Variants in PPP2R5E observed in about 807,000 individuals in gnomAD.
PPP2R5E encodes protein phosphatase 2 regulatory subunit B'epsilon, also known as serine/threonine-protein phosphatase 2A 56 kDa regulatory subunit epsilon isoform.
Under a neutral mutation model 65.3 loss-of-function variants are expected in PPP2R5E, and 4 were observed. The ratio of observed to expected loss-of-function variants is 0.06; its 90% CI spans 0.03 to 0.14. The LOEUF (loss-of-function observed/expected upper bound fraction) is 0.14, where lower values mean the gene tolerates loss of function less well. PPP2R5E is among the 10% of genes least tolerant of loss of function. PPP2R5E has a pLI of 1.00. For missense variants in PPP2R5E, 274 were observed against 556.1 expected (o/e 0.49, Z 5.10); for synonymous variants, 183 against 187.4 (o/e 0.98, Z 0.19).
intron 5 of PPP2R5E, among the ~76,000 whole-genome samples, chr14:63,414,564 T>G (rs1361336975): frequency 6.6e-6 from 1 of 152,184 alleles, no homozygotes; most frequent in Non-Finnish European, 1.5e-5. Context: ...GAAGATCCAT[T>G]GTTATAACAT....
At chr14:63,418,897 A>T (rs1223061960) in intron 4 of PPP2R5E, among the ~76,000 whole-genome samples, 12 of 128,844 alleles carry the variant, frequency 9.3e-5, no homozygotes, top group Non-Finnish European at 1.5e-4. Flanking sequence ...CCCAGGCAGG[A>T]GTGCAGTGGC....
At chr14:63,508,084 A>T in intron 2 of PPP2R5E, 1 of 912,592 alleles carries the variant, frequency 1.1e-6, no homozygotes, top group Non-Finnish European at 1.3e-6. Context: ...ATAAACCCTC[A>T]CTCCACCCTC....
intron 2 of PPP2R5E, among the ~76,000 whole-genome samples, chr14:63,477,726 C>T (rs891801529): frequency 2.6e-5 from 4 of 151,898 alleles, no homozygotes; most frequent in Non-Finnish European, 2.9e-5. Context: ...CTTATCTATA[C>T]AATACAGGAT....
intron 13 of PPP2R5E, among the ~76,000 whole-genome samples, chr14:63,380,273 G>GT (rs1177540239): frequency 9.2e-5 from 14 of 152,038 alleles, no homozygotes; most frequent in Admixed American, 1.3e-4. Context: ...ACCCTTGGCC[G>GT]TTTTTTTAAG....
At chr14:63,491,426 T>A (rs577528008) in intron 2 of PPP2R5E, among the ~76,000 whole-genome samples, 2 of 152,066 alleles carry the variant, frequency 1.3e-5, no homozygotes, top group Non-Finnish European at 2.9e-5. Flanking sequence ...GCTGTAAATA[T>A]AAAATACACA....
intron 3 of PPP2R5E, among the ~76,000 whole-genome samples, chr14:63,428,581 C>A (rs1887462242): frequency 1.3e-5 from 2 of 152,020 alleles, no homozygotes; most frequent in African/African-American, 4.8e-5. Context: ...CTTTCAGGGC[C>A]CGGCTGCTCT....
At chr14:63,463,884 T>C (rs1005706855) in intron 2 of PPP2R5E, among the ~76,000 whole-genome samples, 4 of 152,234 alleles carry the variant, frequency 2.6e-5, no homozygotes, top group East Asian at 3.9e-4. Flanking sequence ...GCGTGAGCCA[T>C]CGCGCCCGGC....
At chr14:63,395,144 G>T in intron 7 of PPP2R5E, 82 bp downstream of exon 7, 1 of 1,129,524 alleles carries the variant, frequency 8.9e-7, no homozygotes, top group Admixed American at 1.7e-5. Flanking sequence ...AGAGAACTAG[G>T]TGAGCATCTC....
At position 63,449,348 on chromosome 14, in the gene PPP2R5E, T is replaced by C. The variant is rs571025639; in HGVS notation, c.354+4341A>G. Among the ~76,000 whole-genome samples the C allele has an allele frequency of 2.6e-5, 4 of 152,316 alleles. No individual in the cohort carries two copies. In the East Asian group the frequency reaches 7.7e-4, roughly 29 times the overall value. On this transcript the variant is annotated intron_variant, in intron 3 of 13. Coordinates refer to ENST00000337537, the MANE Select transcript of PPP2R5E (RefSeq NM_006246.5). ...AAGTAACAGTGGGTTCCACCAATGA[T>C]CGTAAAATCAAGTATCTAATAAAAT...
intron 2 of PPP2R5E, among the ~76,000 whole-genome samples, chr14:63,471,702 A>G (rs1384141390): frequency 6.6e-6 from 1 of 152,192 alleles, no homozygotes; most frequent in Admixed American, 6.5e-5. Context: ...ACACAGCTGG[A>G]AAGGGGGCCC....
chr14:63,538,227 A>G (rs1255788), intron 2 of PPP2R5E, among the ~76,000 whole-genome samples: 62,339 of 151,542 alleles, frequency 0.41, 16,328 homozygotes, highest in African/African-American at 0.76. Context: ...GAGCCTAGGA[A>G]ATAGAGGCCA....
At chr14:63,391,348 C>T (rs1461856966) in intron 10 of PPP2R5E, among the ~76,000 whole-genome samples, 1 of 152,210 alleles carries the variant, frequency 6.6e-6, no homozygotes, top group East Asian at 1.9e-4. Flanking sequence ...AGAGTTCTGA[C>T]AGCCCTGCCT....
Position 63,375,967 on chromosome 14 carries a change from G to A in PPP2R5E, c.*42C>T, listed in dbSNP as rs535686605. The A allele has an allele frequency of 1.2e-4, 169 of 1,355,110 alleles. 3 individuals carry two copies. The East Asian group carries it at 3.1e-3, about 25-fold the overall frequency. The allele number at this position is 1,355,110 out of a possible 1,614,324, so 83.9% of individuals were successfully genotyped here. A position where few individuals can be genotyped will look rare whatever the true frequency, so the allele number is the denominator to read the frequency against. On this transcript the variant is annotated 3_prime_UTR_variant, in exon 14 of 14. Coordinates refer to ENST00000337537, the MANE Select transcript of PPP2R5E (RefSeq NM_006246.5). ...TTGCTCCATCTTCTACTACATAAACGTGTGACTCCACAGGTTAGTAATGTT... is the reference window on the plus strand; with the variant it reads ...TTGCTCCATCTTCTACTACATAAACATGTGACTCCACAGGTTAGTAATGTT...
intron 2 of PPP2R5E, among the ~76,000 whole-genome samples, chr14:63,498,770 A>T (rs775349050): frequency 6.6e-6 from 1 of 152,224 alleles, no homozygotes; most frequent in East Asian, 1.9e-4. Flanking sequence ...ATCTGAAAAC[A>T]CCAGTACAAA....
intron 3 of PPP2R5E, among the ~76,000 whole-genome samples, chr14:63,440,083 A>G (rs902331739): frequency 6.6e-6 from 1 of 152,232 alleles, no homozygotes; most frequent in Non-Finnish European, 1.5e-5. Context: ...TTACCACATA[A>G]GGAGCACCAA....
intron 13 of PPP2R5E, among the ~76,000 whole-genome samples, chr14:63,379,800 A>G (rs1884209027): frequency 6.8e-6 from 1 of 147,750 alleles, no homozygotes; most frequent in Admixed American, 6.7e-5. Context: ...TTGAGTGGAA[A>G]TAAGTTGTTC....
chr14:63,517,662 A>G lies in PPP2R5E; in HGVS notation c.157+21867T>C, dbSNP rs192585793. ...AAATGCAGTGCAGATAATTCTCAAT[A>G]ATTTAAATTATAATAGCTCAGGAAA... On this transcript the variant is annotated intron_variant, in intron 2 of 13. Coordinates refer to ENST00000337537, the MANE Select transcript of PPP2R5E (RefSeq NM_006246.5). Among the ~76,000 whole-genome samples, 59 of 152,352 alleles carry G rather than the reference A, an allele frequency of 3.9e-4. 1 individual carries two copies. Among genetic ancestry groups the G allele is most frequent in the Middle Eastern group, 3.4e-3 (1 of 294 alleles).
chr14:63,503,290 G>C (rs1344828305), intron 2 of PPP2R5E, among the ~76,000 whole-genome samples: 1 of 152,104 alleles, frequency 6.6e-6, no homozygotes, highest in South Asian at 2.1e-4. Flanking sequence ...TTCCATCTTA[G>C]GAGGAATGAA....
At chr14:63,485,446 C>T (rs532140020) in intron 2 of PPP2R5E, among the ~76,000 whole-genome samples, 4 of 152,224 alleles carry the variant, frequency 2.6e-5, no homozygotes, top group Non-Finnish European at 4.4e-5. Flanking sequence ...CGGAGTTTCA[C>T]TCTTGTTGCC....
Sources: gnomAD v4.1 joint callset for allele counts (sites outside exome capture counted in the v4.1 genomes callset) on GRCh38, gnomAD v4.1.1 for gene constraint, MANE v1.5 for transcripts, NCBI Gene and HGNC (gene_info 2026-07-23, HGNC 2026-07-21) for gene names.